The following RBFOX1 variants were observed in gnomAD, a reference collection of about 807,000 sequenced individuals.
The protein encoded by RBFOX1 is RNA binding protein fox-1 homolog 1.
In RBFOX1, 8 loss-of-function variants were observed where a neutral mutation model predicts 57.7. That is an observed-to-expected ratio of 0.14 (90% CI 0.08 to 0.25). The LOEUF is 0.25. RBFOX1 is among the 10% of genes least tolerant of loss of function. RBFOX1 has a pLI of 1.00. For synonymous variants in RBFOX1, 326 were observed against 222.4 expected (o/e 1.47, Z -4.15); for missense variants, 611 against 548.5 (o/e 1.11, Z -1.14).
chr16:5,339,145 C>G (rs543998936), intron 1 of RBFOX1, among the ~76,000 whole-genome samples: 7 of 152,202 alleles, frequency 4.6e-5, no homozygotes, highest in African/African-American at 1.4e-4. Context: ...TGTCCTTTGA[C>G]CAACATCTCC....
At position 7,503,254 on chromosome 16, in the gene RBFOX1, C is replaced by T. The variant is rs150988241; in HGVS notation, c.28-14893C>T. Among the ~76,000 whole-genome samples, 146 of 152,180 alleles carry T rather than the reference C, an allele frequency of 9.6e-4. 1 individual carries two copies. The highest frequency in any genetic ancestry group is 3.3e-3 in the African/African-American group (138 of 41,528). On this transcript the variant is annotated intron_variant, in intron 4 of 15. Transcript: ENST00000550418. ...CTTGGTGACATTCTTAGTGGGATAC[C>T]GTAGTCAGCAACGTTCACGGCAGAG... is the stretch of plus-strand genomic sequence containing the variant.
chr16:7,155,847 G>A (rs1482420681), intron 4 of RBFOX1, among the ~76,000 whole-genome samples: 1 of 150,410 alleles, frequency 6.6e-6, no homozygotes, highest in African/African-American at 2.5e-5. Context: ...ACCTATATAT[G>A]TGATGAACCA....
chr16:6,545,389 A>G (rs2096880741), intron 2 of RBFOX1, among the ~76,000 whole-genome samples: 2 of 151,602 alleles, frequency 1.3e-5, no homozygotes, highest in South Asian at 2.1e-4. Flanking sequence ...TTTCTCTCCA[A>G]CCCCTCTCTC....
chr16:6,065,488 C>T (rs191111851), intron 1 of RBFOX1, among the ~76,000 whole-genome samples: 116 of 152,240 alleles, frequency 7.6e-4, no homozygotes, highest in Non-Finnish European at 1.1e-3. Context: ...TCTGATATAT[C>T]ATTGCGGTTT....
At chr16:7,635,019 C>G (rs934289364) in intron 11 of RBFOX1, among the ~76,000 whole-genome samples, 10 of 152,182 alleles carry the variant, frequency 6.6e-5, no homozygotes, top group Non-Finnish European at 1.5e-4. Context: ...GTGGACTGTT[C>G]ATTCCATTCC....
intron 2 of RBFOX1, among the ~76,000 whole-genome samples, chr16:6,525,298 G>A (rs1379823913): frequency 3.9e-5 from 6 of 152,182 alleles, no homozygotes; most frequent in Non-Finnish European, 8.8e-5. Flanking sequence ...AACTTACTGG[G>A]GAGTATGTGA....
At chr16:5,679,002 C>T (rs1174730597) in intron 3 of RBFOX1, among the ~76,000 whole-genome samples, 1 of 152,156 alleles carries the variant, frequency 6.6e-6, no homozygotes, top group East Asian at 1.9e-4. Context: ...GGCTAAGATG[C>T]AAAATGGGAT....
intron 3 of RBFOX1, among the ~76,000 whole-genome samples, chr16:6,904,509 G>C (rs1015076829): frequency 6.7e-6 from 1 of 148,284 alleles, no homozygotes; most frequent in Non-Finnish European, 1.5e-5. Flanking sequence ...GCCGAGGCAG[G>C]AGAATTGTTT....
intron 10 of RBFOX1, among the ~76,000 whole-genome samples, chr16:7,609,134 G>GA (rs2056926709): frequency 6.6e-6 from 1 of 152,200 alleles, no homozygotes; most frequent in Non-Finnish European, 1.5e-5. Context: ...CCCATGAATG[G>GA]AGTAGTTAGA....
At chr16:5,528,589 C>T (rs1039732045) in intron 2 of RBFOX1, among the ~76,000 whole-genome samples, 1 of 148,652 alleles carries the variant, frequency 6.7e-6, no homozygotes, top group African/African-American at 2.5e-5. Flanking sequence ...GTCCGATCCC[C>T]AATTCATTCT....
chr16:6,905,018 GAGTT>G (rs1314330881), intron 3 of RBFOX1, among the ~76,000 whole-genome samples: 21 of 152,228 alleles, frequency 1.4e-4, no homozygotes, highest in Admixed American at 5.2e-4. Flanking sequence ...CATGGTAAAA[GAGTT>G]AGAGGAATTT....
At chr16:6,234,146 A>T (rs994134757) in intron 1 of RBFOX1, among the ~76,000 whole-genome samples, 3 of 152,082 alleles carry the variant, frequency 2.0e-5, no homozygotes, top group African/African-American at 7.2e-5. Context: ...CACCTCTTAA[A>T]GCCCCCACCT....
In RBFOX1 at chr16:5,483,284, C is replaced by G. The variant is rs147429830; in HGVS notation, c.258+16030C>G. ...ATGGCAGACATGTGGCACGTACTCC[C>G]ACTTCATGCTCTTCGTGCTCTTGGC... On this transcript the variant is annotated intron_variant, in intron 2 of 2. Coordinates refer to the RBFOX1 transcript ENST00000585867. 6.6e-3 allele frequency among the ~76,000 whole-genome samples: 1,004 copies of G among 152,274 alleles called. 11 individuals carry two copies. Among genetic ancestry groups the G allele is most frequent in the African/African-American group, 0.023 (965 of 41,558 alleles).
intron 14 of RBFOX1, among the ~76,000 whole-genome samples, chr16:7,691,845 A>G (rs747255991): frequency 6.6e-6 from 1 of 152,166 alleles, no homozygotes; most frequent in African/African-American, 2.4e-5. Context: ...TGCCTAGTGC[A>G]AAGACCTTGC....
intron 1 of RBFOX1, among the ~76,000 whole-genome samples, chr16:5,275,684 A>T (rs1454552388): frequency 1.3e-5 from 2 of 152,214 alleles, no homozygotes; most frequent in Non-Finnish European, 2.9e-5. Flanking sequence ...TAGAAAAAAC[A>T]ATGCCAAAAT....
At chr16:6,115,647 T>G (rs1359925193) in intron 1 of RBFOX1, among the ~76,000 whole-genome samples, 3 of 152,194 alleles carry the variant, frequency 2.0e-5, no homozygotes, top group Admixed American at 6.5e-5. Flanking sequence ...GTCAGCAAAC[T>G]TTTTCTAGAA....
chr16:5,273,681 C>G lies in RBFOX1; in HGVS notation c.219+33576C>G, dbSNP rs145232599. ...GTGAGTTCGCATGCATAGTGAAGAC[C>G]TGTTATAGTGAGGGTCCCTGGGGCT... On this transcript the variant is annotated intron_variant, in intron 1 of 2. Coordinates refer to the RBFOX1 transcript ENST00000585867. Among the ~76,000 whole-genome samples, 316 of 152,158 alleles carry G rather than the reference C, an allele frequency of 2.1e-3. 2 individuals are homozygous for G. Among genetic ancestry groups the G allele is most frequent in the East Asian group, 0.018 (94 of 5,154 alleles).
At chr16:5,683,873 T>C (rs1420988133) in intron 3 of RBFOX1, among the ~76,000 whole-genome samples, 1 of 151,160 alleles carries the variant, frequency 6.6e-6, no homozygotes, top group Non-Finnish European at 1.5e-5. Context: ...CCTATATGTA[T>C]GTAAAATTGC....
intron 4 of RBFOX1, among the ~76,000 whole-genome samples, chr16:7,284,223 G>A (rs1184880207): frequency 1.3e-5 from 2 of 152,224 alleles, no homozygotes; most frequent in African/African-American, 4.8e-5. Flanking sequence ...TTATGAAACA[G>A]TTGCTGTAAG....
Sources: allele counts gnomAD v4.1 joint callset (sites outside exome capture counted in the v4.1 genomes callset), GRCh38; gene constraint gnomAD v4.1.1; transcripts MANE v1.5; gene names NCBI Gene and HGNC (gene_info 2026-07-23, HGNC 2026-07-21).